AFG1L: variants seen among roughly 807,000 people sequenced by gnomAD.
The protein encoded by AFG1L is AFG1-like ATPase.
AFG1L carries 53 observed loss-of-function variants against 62.2 expected under a neutral mutation model. The observed-to-expected ratio is 0.85, with a 90% confidence interval of 0.68 to 1.07. The LOEUF (loss-of-function observed/expected upper bound fraction) is 1.07. Ranked by LOEUF, AFG1L falls within the 50% of genes least tolerant of loss-of-function variation. The pLI is 0.00. For synonymous variants in AFG1L, 228 were observed against 210.3 expected, an observed-to-expected ratio of 1.08 and a Z score of -0.73; for missense variants, 555 against 590.5, an observed-to-expected ratio of 0.94 and a Z score of 0.62.
At chr6:108,393,931 T>C (rs913291063) in intron 6 of AFG1L, among the ~76,000 whole-genome samples, 1 of 152,126 alleles carries the variant, frequency 6.6e-6, no homozygotes, top group Non-Finnish European at 1.5e-5. Context: ...CATGAGACCA[T>C]TGCCACAACT....
chr6:108,384,255 G>A (rs151026477), intron 6 of AFG1L, among the ~76,000 whole-genome samples: 14 of 152,194 alleles, frequency 9.2e-5, no homozygotes, highest in South Asian at 2.1e-4. Flanking sequence ...CAGAGTTTGC[G>A]GTAAGAACTA....
chr6:108,321,961 C>G (rs919671629), intron 1 of AFG1L, among the ~76,000 whole-genome samples: 4 of 152,168 alleles, frequency 2.6e-5, no homozygotes, highest in Non-Finnish European at 5.9e-5. Flanking sequence ...TAGCTCACTG[C>G]AGCCTCAAAC....
intron 1 of AFG1L, among the ~76,000 whole-genome samples, chr6:108,320,316 A>G (rs1007575586): frequency 1.1e-4 from 17 of 152,284 alleles, no homozygotes; most frequent in Non-Finnish European, 1.8e-4. Context: ...AGCTGGATTA[A>G]AAGATTTTCT....
chr6:108,416,704 C>T (rs1458824077), intron 7 of AFG1L, among the ~76,000 whole-genome samples: 1 of 152,054 alleles, frequency 6.6e-6, no homozygotes, highest in Non-Finnish European at 1.5e-5. Flanking sequence ...TGTTCTCACT[C>T]ATAGGTGGGA....
At chr6:108,343,223 T>C (rs12530304) in intron 2 of AFG1L, among the ~76,000 whole-genome samples, 13,284 of 152,112 alleles carry the variant, frequency 0.087, 793 homozygotes, top group South Asian at 0.18. Context: ...CAAATTTTTG[T>C]ATTTTTGGTA....
At chr6:108,296,143 C>T (rs566148141) in intron 1 of AFG1L, among the ~76,000 whole-genome samples, 1 of 152,228 alleles carries the variant, frequency 6.6e-6, no homozygotes, top group Admixed American at 6.5e-5. Flanking sequence ...ATCATCAATG[C>T]AGTTGAAATT....
intron 7 of AFG1L, among the ~76,000 whole-genome samples, chr6:108,425,489 A>G (rs573766470): frequency 1.3e-5 from 2 of 152,130 alleles, no homozygotes; most frequent in African/African-American, 2.4e-5. Context: ...CCACCACCTT[A>G]TTATACAGTG....
intron 6 of AFG1L, among the ~76,000 whole-genome samples, chr6:108,378,940 C>G (rs895580565): frequency 7.4e-5 from 11 of 148,842 alleles, no homozygotes; most frequent in African/African-American, 2.5e-5. Flanking sequence ...TTGGTAAGAT[C>G]TTTTGGCTTT....
intron 5 of AFG1L, among the ~76,000 whole-genome samples, chr6:108,357,800 T>C (rs1355806875): frequency 1.3e-5 from 2 of 152,196 alleles, no homozygotes; most frequent in Non-Finnish European, 2.9e-5. Flanking sequence ...TCTGGATTAG[T>C]GGGAAGATGA....
chr6:108,304,248 A>G (rs1472332307), intron 1 of AFG1L, among the ~76,000 whole-genome samples: 1 of 152,110 alleles, frequency 6.6e-6, no homozygotes, highest in East Asian at 1.9e-4. Context: ...TTAAGATTTG[A>G]TTTTCTTCTA....
intron 6 of AFG1L, among the ~76,000 whole-genome samples, 197 bp from the exon 7 acceptor site, chr6:108,401,799 C>T (rs1781629016): frequency 6.6e-6 from 1 of 151,820 alleles, no homozygotes; most frequent in Middle Eastern, 3.2e-3. Context: ...CTTTCTGTGG[C>T]TGTTAATTTT....
intron 7 of AFG1L, among the ~76,000 whole-genome samples, chr6:108,416,628 C>T (rs1478904610): frequency 6.6e-6 from 1 of 152,110 alleles, no homozygotes; most frequent in Non-Finnish European, 1.5e-5. Context: ...TTTGTAGGGA[C>T]ATGGATGAAG....
intron 1 of AFG1L, among the ~76,000 whole-genome samples, chr6:108,307,964 A>T (rs1488889251): frequency 6.6e-6 from 1 of 152,102 alleles, no homozygotes; most frequent in African/African-American, 2.4e-5. Flanking sequence ...GGACATTTGG[A>T]TAGGCTCTTT....
At chr6:108,500,277 G>A (rs1168255294) in intron 10 of AFG1L, among the ~76,000 whole-genome samples, 1 of 150,766 alleles carries the variant, frequency 6.6e-6, no homozygotes, top group Non-Finnish European at 1.5e-5. Flanking sequence ...TGGGACTACA[G>A]GCATGAACCA....
At chr6:108,467,491 A>G (rs1043071981) in intron 8 of AFG1L, among the ~76,000 whole-genome samples, 4 of 152,010 alleles carry the variant, frequency 2.6e-5, no homozygotes, top group Admixed American at 6.6e-5. Flanking sequence ...CAGGTGATCC[A>G]CCCACCTCAG....
chr6:108,362,846 GA>G (rs1405951662), intron 5 of AFG1L, among the ~76,000 whole-genome samples: 1 of 152,180 alleles, frequency 6.6e-6, no homozygotes, highest in African/African-American at 2.4e-5. Flanking sequence ...ATGTTTTAGT[GA>G]TGGAACCTAA....
intron 7 of AFG1L, among the ~76,000 whole-genome samples, chr6:108,435,317 C>A (rs1309527645): frequency 6.6e-6 from 1 of 152,156 alleles, no homozygotes; most frequent in Non-Finnish European, 1.5e-5. Flanking sequence ...GCATGGGAAC[C>A]ACTGGGTGTA....
intron 6 of AFG1L, among the ~76,000 whole-genome samples, chr6:108,396,159 A>G (rs1207652864): frequency 2.6e-5 from 4 of 151,806 alleles, no homozygotes; most frequent in African/African-American, 9.7e-5. Flanking sequence ...GATTACAGGC[A>G]TGAGCCACCA....
At chr6:108,330,728 A>G (rs2114341269) in intron 2 of AFG1L, among the ~76,000 whole-genome samples, 1 of 152,324 alleles carries the variant, frequency 6.6e-6, no homozygotes, top group East Asian at 1.9e-4. Context: ...ATACACATTC[A>G]GCCATTTTGG....
Sources: gnomAD v4.1 joint callset for allele counts (sites outside exome capture counted in the v4.1 genomes callset) on GRCh38, gnomAD v4.1.1 for gene constraint, MANE v1.5 for transcripts, NCBI Gene and HGNC (gene_info 2026-07-23, HGNC 2026-07-21) for gene names.